Variants in ENOX1 observed in about 807,000 individuals in gnomAD.
ENOX1 encodes candidate growth-related and time keeping constitutive hydroquinone (NADH) oxidase.
A neutral mutation model predicts 82.5 loss-of-function variants in ENOX1; 42 were observed. The observed-to-expected ratio is 0.51, with a 90% CI of 0.40 to 0.66. The LOEUF is 0.66. ENOX1 is among the 30% of genes least tolerant of loss of function. ENOX1 has a pLI of 0.00. For synonymous variants in ENOX1, 271 were observed against 282.2 expected (o/e 0.96, Z 0.40); for missense variants, 608 against 811.6 (o/e 0.75, Z 3.05).
intron 2 of ENOX1, among the ~76,000 whole-genome samples, chr13:43,585,641 G>A (rs1394004188): frequency 1.3e-5 from 2 of 152,174 alleles, no homozygotes; most frequent in African/African-American, 4.8e-5. Flanking sequence ...GCAATGGCGC[G>A]ATCTCAGCTC....
At chr13:43,419,108 A>G (rs1395125854) in intron 3 of ENOX1, among the ~76,000 whole-genome samples, 1 of 152,094 alleles carries the variant, frequency 6.6e-6, no homozygotes, top group African/African-American at 2.4e-5. Flanking sequence ...AACAATTTCT[A>G]TAGGTATCAG....
chr13:43,287,757 T>G (rs1015362896), intron 12 of ENOX1, among the ~76,000 whole-genome samples: 9 of 152,200 alleles, frequency 5.9e-5, no homozygotes, highest in Admixed American at 4.6e-4. Context: ...CTTTGTATCT[T>G]GTCCAGAATC....
At chr13:43,600,245 C>T (rs2081646405) in intron 2 of ENOX1, among the ~76,000 whole-genome samples, 2 of 152,148 alleles carry the variant, frequency 1.3e-5, no homozygotes, top group Non-Finnish European at 2.9e-5. Flanking sequence ...GTTCTCAATT[C>T]CAGGTGTTGA....
intron 2 of ENOX1, among the ~76,000 whole-genome samples, chr13:43,512,582 A>G (rs1177676618): frequency 2.0e-5 from 3 of 151,768 alleles, no homozygotes; most frequent in African/African-American, 7.3e-5. Context: ...TGTTAGAAGT[A>G]CATTTTTAGA....
chr13:43,702,953 C>CAAAAAAAAAAAAAAAA (rs60810191), intron 1 of ENOX1, among the ~76,000 whole-genome samples: 2 of 51,010 alleles, frequency 3.9e-5, no homozygotes, highest in Non-Finnish European at 6.5e-5. Flanking sequence ...GACTCTGTCT[C>CAAAAAAAAAAAAAAAA]AAAAAAAAAA....
intron 5 of ENOX1, among the ~76,000 whole-genome samples, chr13:43,380,176 C>G (rs1298915953): frequency 6.6e-6 from 1 of 150,898 alleles, no homozygotes; most frequent in Non-Finnish European, 1.5e-5. Context: ...AGGAATTCCT[C>G]TAGGCAGAGA....
At chr13:43,599,623 G>T (rs2081615459) in intron 2 of ENOX1, among the ~76,000 whole-genome samples, 1 of 151,992 alleles carries the variant, frequency 6.6e-6, no homozygotes, top group Non-Finnish European at 1.5e-5. Flanking sequence ...TCCTGGGCAA[G>T]TTCTGGTGCT....
intron 7 of ENOX1, among the ~76,000 whole-genome samples, chr13:43,359,541 A>G (rs2050365589): frequency 6.6e-6 from 1 of 152,214 alleles, no homozygotes; most frequent in African/African-American, 2.4e-5. Flanking sequence ...CCTAAGGATT[A>G]CATCCAGTAA....
At chr13:43,236,160 C>T (rs765258194) in intron 15 of ENOX1, among the ~76,000 whole-genome samples, 2 of 152,180 alleles carry the variant, frequency 1.3e-5, no homozygotes, top group African/African-American at 2.4e-5. Flanking sequence ...CTGGATTAGC[C>T]TAGCATCAGT....
chr13:43,394,939 T>G (rs1252330994), intron 5 of ENOX1: 1 of 151,994 alleles, frequency 6.6e-6, no homozygotes, highest in Non-Finnish European at 1.5e-5. Context: ...TTTCTTCACA[T>G]ATGAATTGGT....
chr13:43,516,618 C>A (rs990514079), intron 2 of ENOX1, among the ~76,000 whole-genome samples: 1 of 152,152 alleles, frequency 6.6e-6, no homozygotes, highest in African/African-American at 2.4e-5. Flanking sequence ...TAGGGAGCAA[C>A]AGGGAAGAAC....
chr13:43,754,513 A>G (rs1403068207), intron 1 of ENOX1, among the ~76,000 whole-genome samples: 2 of 151,040 alleles, frequency 1.3e-5, no homozygotes, highest in Non-Finnish European at 3.0e-5. Context: ...TTGTATTTTT[A>G]GCAGAGACGG....
At chr13:43,439,479 C>T (rs765658920) in intron 3 of ENOX1, among the ~76,000 whole-genome samples, 72 of 152,236 alleles carry the variant, frequency 4.7e-4, no homozygotes, top group African/African-American at 1.3e-3. Flanking sequence ...GGATTACAGG[C>T]GTGAGCCACC....
chr13:43,285,188 T>C (rs12874803), intron 12 of ENOX1, among the ~76,000 whole-genome samples: 13,908 of 152,270 alleles, frequency 0.091, 864 homozygotes, highest in Non-Finnish European at 0.14. Context: ...CCATCTAACA[T>C]CTTGGAACTG....
chr13:43,616,376 A>G lies in ENOX1; in HGVS notation c.-219+51103T>C, dbSNP rs546677199. ...GCCACCACACCTGGTTAATTTTTGT[A>G]TTTTTAGTAGAGATGGGGTTTCGCC... On this transcript the variant is annotated intron_variant, in intron 2 of 16. Coordinates refer to ENST00000690772, the MANE Select transcript of ENOX1 (RefSeq NM_001347969.2). Among the ~76,000 whole-genome samples the G allele has an allele frequency of 2.0e-4, 30 of 148,306 alleles. No individual in the cohort carries two copies. In the South Asian group the frequency reaches 6.6e-3, roughly 33 times the overall value.
At chr13:43,554,222 G>A (rs1429486246) in intron 2 of ENOX1, among the ~76,000 whole-genome samples, 1 of 152,104 alleles carries the variant, frequency 6.6e-6, no homozygotes, top group East Asian at 1.9e-4. Context: ...GAATGCGAAA[G>A]GCAGGTATAC....
intron 15 of ENOX1, among the ~76,000 whole-genome samples, chr13:43,229,602 A>G (rs977656972): frequency 5.3e-5 from 8 of 152,198 alleles, no homozygotes; most frequent in African/African-American, 1.9e-4. Context: ...GGTGCTTGAC[A>G]TGATCTGAAT....
chr13:43,738,703 T>C (rs927762296), intron 1 of ENOX1, among the ~76,000 whole-genome samples: 2 of 140,064 alleles, frequency 1.4e-5, no homozygotes, highest in South Asian at 4.7e-4. Context: ...GATATTTGAT[T>C]ATAGTAATAT....
At chr13:43,633,510 G>T (rs1030429837) in intron 2 of ENOX1, among the ~76,000 whole-genome samples, 12 of 152,058 alleles carry the variant, frequency 7.9e-5, no homozygotes, top group Admixed American at 7.2e-4. Context: ...GTAGGGGAAT[G>T]ATAAAAGTAA....
Sources: gnomAD v4.1 joint callset for allele counts (sites outside exome capture counted in the v4.1 genomes callset) on GRCh38, gnomAD v4.1.1 for gene constraint, MANE v1.5 for transcripts, NCBI Gene and HGNC (gene_info 2026-07-23, HGNC 2026-07-21) for gene names.